Variants in OPCML observed in about 807,000 individuals in gnomAD.
OPCML encodes the protein opioid-binding protein/cell adhesion molecule.
OPCML carries 13 observed loss-of-function variants against 37.8 expected under a neutral mutation model. The ratio of observed to expected loss-of-function variants is 0.34; its 90% CI spans 0.22 to 0.55. The LOEUF (loss-of-function observed/expected upper bound fraction) is 0.55. Among genes scored for constraint, OPCML ranks in the 20% least tolerant of loss-of-function variants. The probability of loss-of-function intolerance (pLI) is 0.91; values close to 1 mark genes in which losing one functional copy is unlikely to be tolerated. For missense variants in OPCML, 341 were observed against 435.6 expected (o/e 0.78, Z 1.93); for synonymous variants, 176 against 168.8 (o/e 1.04, Z -0.33).
chr11:132,725,155 G>A (rs1944831239), intron 2 of OPCML, among the ~76,000 whole-genome samples: 1 of 152,222 alleles, frequency 6.6e-6, no homozygotes. Context: ...CCTAGCAGAG[G>A]TTCTCCATGA....
Position 133,192,855 on chromosome 11 carries a change from GTTTTC to G in OPCML, c.62-249850_62-249846del, listed in dbSNP as rs796414909. 9.9e-3 allele frequency among the ~76,000 whole-genome samples: 1,440 copies of G among 145,868 alleles called. 25 individuals are homozygous for G. Among genetic ancestry groups the G allele is most frequent in the African/African-American group, 0.034 (1,344 of 39,230 alleles). On this transcript the variant is annotated intron_variant, in intron 1 of 7. Coordinates refer to ENST00000524381, the MANE Select transcript of OPCML (RefSeq NM_001012393.5). Reference sequence around the variant, plus strand: ...CAATCAACAGCATTAGTTGCTTCGTGTTTTCTTTTCTTTTCTTTTTTTTTTTTTTC... The same window carrying G: ...CAATCAACAGCATTAGTTGCTTCGTGTTTTCTTTTCTTTTTTTTTTTTTTC...
chr11:133,440,591 G>T (rs537623488), intron 1 of OPCML, among the ~76,000 whole-genome samples: 187 of 150,690 alleles, frequency 1.2e-3, no homozygotes, highest in African/African-American at 4.5e-3. Flanking sequence ...GCTGGGCATG[G>T]TGGCAGGTGC....
intron 1 of OPCML, among the ~76,000 whole-genome samples, chr11:133,525,990 C>T (rs1948482813): frequency 6.6e-6 from 1 of 152,184 alleles, no homozygotes; most frequent in African/African-American, 2.4e-5. Context: ...GCACATTGCC[C>T]AGGGGGTTCT....
intron 1 of OPCML, among the ~76,000 whole-genome samples, chr11:133,488,509 C>T (rs1335030635): frequency 6.6e-6 from 1 of 151,832 alleles, no homozygotes; most frequent in African/African-American, 2.4e-5. Context: ...TTTACAACAG[C>T]TAAAGAAAAT....
In OPCML at chr11:133,208,216, A is replaced by C. The variant is rs183074813; in HGVS notation, c.62-265206T>G. ...TGCTCACCATTTATCTCAAGCATTT[A>C]GCTTATTGCTTAGCACATTGTATTA... On this transcript the variant is annotated intron_variant, in intron 1 of 7. Coordinates refer to ENST00000524381, the MANE Select transcript of OPCML (RefSeq NM_001012393.5). This position sits in a 1 kb window ranked among gnomAD's most constrained non-coding sequence, Gnocchi z 8.9. Among the ~76,000 whole-genome samples the C allele has an allele frequency of 1.4e-3, 219 of 152,298 alleles. 1 individual carries two copies. Among genetic ancestry groups the C allele is most frequent in the African/African-American group, 5.0e-3 (207 of 41,572 alleles).
intron 1 of OPCML, among the ~76,000 whole-genome samples, chr11:133,509,946 C>T (rs546820067): frequency 6.6e-6 from 1 of 152,306 alleles, no homozygotes; most frequent in African/African-American, 2.4e-5. Context: ...ACTCCCCTCA[C>T]CAGGCACATT....
At chr11:132,523,918 T>G (rs1451838094) in intron 4 of OPCML, among the ~76,000 whole-genome samples, 1 of 152,234 alleles carries the variant, frequency 6.6e-6, no homozygotes, top group Non-Finnish European at 1.5e-5. Flanking sequence ...TTACTGTATC[T>G]GAGTAGACTC....
At chr11:132,631,626 ATT>A (rs57086964) in intron 3 of OPCML, among the ~76,000 whole-genome samples, 1 of 145,348 alleles carries the variant, frequency 6.9e-6, no homozygotes, top group Admixed American at 6.9e-5. Flanking sequence ...CGCCCGGCTA[ATT>A]TTTTTTTTTT....
At chr11:132,715,271 T>C (rs1944428216) in intron 2 of OPCML, among the ~76,000 whole-genome samples, 1 of 152,238 alleles carries the variant, frequency 6.6e-6, no homozygotes, top group African/African-American at 2.4e-5. Context: ...ACTAAGCATC[T>C]ACTATGTACC....
At chr11:132,663,166 C>A (rs1338838915) in intron 2 of OPCML, among the ~76,000 whole-genome samples, 1 of 152,204 alleles carries the variant, frequency 6.6e-6, no homozygotes. Context: ...TTTATACTCT[C>A]ATGTGTTAAA....
chr11:133,326,913 G>C (rs1227944852), intron 1 of OPCML, among the ~76,000 whole-genome samples: 2 of 147,662 alleles, frequency 1.4e-5, no homozygotes, highest in Non-Finnish European at 3.0e-5. Flanking sequence ...GAGGGTGTGT[G>C]GGGCGGCGAG....
At chr11:132,445,837 T>C (rs531932414) in intron 4 of OPCML, among the ~76,000 whole-genome samples, 23 of 152,298 alleles carry the variant, frequency 1.5e-4, no homozygotes, top group African/African-American at 4.3e-4. Flanking sequence ...CCAAGGAGTG[T>C]ATGAGGATGT....
chr11:132,787,031 C>T lies in OPCML; in HGVS notation c.147-129712G>A, dbSNP rs1947237430. On this transcript the variant is annotated intron_variant, in intron 2 of 7. Transcript: ENST00000524381. ...CTGTCAAACACAGATGGAGCCACAC[C>T]CCTGAGATTCTGAATCTATAGGTCT... Among the ~76,000 whole-genome samples, 3 of 152,072 alleles carry T rather than the reference C, an allele frequency of 2.0e-5. No homozygotes were observed. In the South Asian group the frequency reaches 6.2e-4, roughly 32 times the overall value.
rs1490087781 is a variant in OPCML at position 132,416,412 on chromosome 11, G to A, written c.*3781C>T. The A allele has an allele frequency of 6.6e-6, 1 of 152,198 alleles. No homozygotes were observed. Among genetic ancestry groups the A allele is most frequent in the African/African-American group, 2.4e-5 (1 of 41,452 alleles). 9.4% of individuals were successfully genotyped at this position (152,198 alleles called of 1,614,324 possible). On this transcript the variant is annotated 3_prime_UTR_variant, in exon 8 of 8. Transcript: ENST00000524381. The stretch of plus-strand genomic sequence containing the variant: ...ACTCCTGATGCCGCCACAGGGATAA[G>A]CTCTCGTCGGGGTTGCCTGCCCACT...
intron 2 of OPCML, among the ~76,000 whole-genome samples, chr11:132,732,063 T>C (rs919638614): frequency 1.3e-5 from 2 of 152,172 alleles, no homozygotes; most frequent in African/African-American, 4.8e-5. Flanking sequence ...CCAAAGAGAA[T>C]TATCAGTTCT....
At chr11:132,459,425 ATAC>A (rs2096093206) in intron 4 of OPCML, among the ~76,000 whole-genome samples, 1 of 149,932 alleles carries the variant, frequency 6.7e-6, no homozygotes. Context: ...ACATACATAC[ATAC>A]ATACATACAT....
intron 1 of OPCML, among the ~76,000 whole-genome samples, chr11:133,040,656 C>T (rs1947874269): frequency 6.6e-6 from 1 of 152,040 alleles, no homozygotes; most frequent in Non-Finnish European, 1.5e-5. Context: ...CAGGCCTGTG[C>T]CCATCAGGAA....
intron 3 of OPCML, among the ~76,000 whole-genome samples, chr11:132,544,889 G>T (rs75645000): frequency 2.6e-5 from 4 of 152,144 alleles, no homozygotes; most frequent in Non-Finnish European, 5.9e-5. Flanking sequence ...ACTCAGGGAA[G>T]CTGGTAGGAG....
At chr11:132,825,283 T>G (rs1007132242) in intron 2 of OPCML, among the ~76,000 whole-genome samples, 2 of 152,112 alleles carry the variant, frequency 1.3e-5, no homozygotes, top group Non-Finnish European at 2.9e-5. Context: ...TAACTATATA[T>G]GAGCCTCTAG....
Sources: gnomAD v4.1 joint callset for allele counts (sites outside exome capture counted in the v4.1 genomes callset) on GRCh38, gnomAD v4.1.1 for gene constraint, Gnocchi (gnomAD v3.1) non-coding constraint, MANE v1.5 for transcripts, NCBI Gene and HGNC (gene_info 2026-07-23, HGNC 2026-07-21) for gene names.